The following OR3A2 variants were observed in gnomAD, a reference collection of about 807,000 sequenced individuals.
OR3A2 encodes the protein olfactory receptor 3A2.
For synonymous variants in OR3A2, 126 were observed against 159.3 expected (o/e 0.79, Z 1.57); for missense variants, 318 against 392.8 (o/e 0.81, Z 1.61).
chr17:3,367,206 G>A (rs1040680255), intron 2 of OR3A2, among the ~76,000 whole-genome samples: 31 of 152,288 alleles, frequency 2.0e-4, no homozygotes, highest in Middle Eastern at 6.8e-3. Flanking sequence ...TTACAGCTCA[G>A]ACTCAGTTGT....
At position 3,372,912 on chromosome 17, in the gene OR3A2, C is replaced by G. The variant is rs146659776; in HGVS notation, c.-179+10892G>C. On this transcript the variant is annotated intron_variant, in intron 2 of 4. Transcript: ENST00000573491. ...GAGGGAGAGGGAGAGGGAGAGGGCT[C>G]TTTAGGATTTTTTGATGTAGGCATA... is the stretch of plus-strand genomic sequence containing the variant. Among the ~76,000 whole-genome samples, 491 of 121,862 alleles carry G rather than the reference C, an allele frequency of 4.0e-3. 6 individuals carry two copies. Among genetic ancestry groups the G allele is most frequent in the Middle Eastern group, 0.019 (3 of 162 alleles). 79.9% of individuals were successfully genotyped at this position (121,862 alleles called of 152,430 possible). A position where few individuals can be genotyped will look rare whatever the true frequency, so the allele number is the denominator to read the frequency against.
At chr17:3,380,946 C>G (rs1286209733) in intron 2 of OR3A2, among the ~76,000 whole-genome samples, 1 of 152,154 alleles carries the variant, frequency 6.6e-6, no homozygotes, top group Non-Finnish European at 1.5e-5. Flanking sequence ...CTCAGTGTGT[C>G]TGGGAGCATC....
chr17:3,377,045 C>G (rs2049691110), intron 2 of OR3A2, among the ~76,000 whole-genome samples: 1 of 152,206 alleles, frequency 6.6e-6, no homozygotes, highest in Non-Finnish European at 1.5e-5. Flanking sequence ...GACTTTTCTC[C>G]CTCTCACACA....
chr17:3,360,043 T>C (rs1403429672), intron 2 of OR3A2, among the ~76,000 whole-genome samples: 1 of 151,810 alleles, frequency 6.6e-6, no homozygotes, highest in African/African-American at 2.4e-5. Flanking sequence ...ACCAACAGTG[T>C]AAAAGTGTTC....
chr17:3,377,062 A>G (rs1292942374), intron 2 of OR3A2, among the ~76,000 whole-genome samples: 2 of 151,588 alleles, frequency 1.3e-5, no homozygotes, highest in Non-Finnish European at 2.9e-5. Flanking sequence ...CACATTGAAA[A>G]CTCAGTTTTT....
At chr17:3,334,640 T>C (rs1372874689) in intron 3 of OR3A2, among the ~76,000 whole-genome samples, 1 of 152,230 alleles carries the variant, frequency 6.6e-6, no homozygotes, top group East Asian at 1.9e-4. Context: ...TTTTTGCTGA[T>C]TGAGTTTTTC....
intron 2 of OR3A2, among the ~76,000 whole-genome samples, chr17:3,354,900 T>C (rs1053938058): frequency 6.6e-6 from 1 of 151,370 alleles, no homozygotes; most frequent in Non-Finnish European, 1.5e-5. Context: ...TTTATACCTA[T>C]AAATTTCCCT....
At chr17:3,367,663 A>G (rs1194344375) in intron 2 of OR3A2, among the ~76,000 whole-genome samples, 2 of 149,004 alleles carry the variant, frequency 1.3e-5, no homozygotes, top group Non-Finnish European at 3.0e-5. Context: ...GGGCACTTAG[A>G]TTGGTTCCAT....
At chr17:3,358,977 A>G (rs1389664703) in intron 2 of OR3A2, among the ~76,000 whole-genome samples, 1 of 151,776 alleles carries the variant, frequency 6.6e-6, no homozygotes, top group Non-Finnish European at 1.5e-5. Context: ...TTGTGTGCAT[A>G]TATATTTAGG....
intron 2 of OR3A2, among the ~76,000 whole-genome samples, chr17:3,343,966 G>A (rs1014458580): frequency 1.3e-5 from 2 of 152,150 alleles, no homozygotes; most frequent in African/African-American, 2.4e-5. Flanking sequence ...GCAGAAGGAG[G>A]GGTCTGTGAT....
intron 2 of OR3A2, among the ~76,000 whole-genome samples, chr17:3,350,384 A>G (rs1183676695): frequency 1.1e-3 from 161 of 149,692 alleles, no homozygotes; most frequent in Non-Finnish European, 1.6e-3. Context: ...ACAAACTACC[A>G]TCAGAGAATA....
chr17:3,324,741 G>A (rs993402019), intron 3 of OR3A2, among the ~76,000 whole-genome samples: 3 of 152,040 alleles, frequency 2.0e-5, no homozygotes, highest in South Asian at 2.1e-4. Context: ...AGGAGTACCC[G>A]GCCGTGTGAG....
chr17:3,306,699 T>G (rs2049003336), intron 3 of OR3A2, among the ~76,000 whole-genome samples: 1 of 114,946 alleles, frequency 8.7e-6, no homozygotes, highest in Non-Finnish European at 1.7e-5. Flanking sequence ...AAAAAAACCG[T>G]AACCCCTTTT....
At chr17:3,281,800 A>T (rs1416279862) in intron 1 of OR3A2, among the ~76,000 whole-genome samples, 3 of 152,206 alleles carry the variant, frequency 2.0e-5, no homozygotes, top group Non-Finnish European at 4.4e-5. Context: ...AACTCTGTTA[A>T]ATTAGATTCT....
rs1349410369 is a variant in OR3A2, at chr17:3,278,252, G to C, written c.666C>G (p.Ser222Arg). Reference sequence around the variant, plus strand: ...TTCGTAGAACTGCAGCTGCCACGTGGCTGTAGGCAGTGATGATGAGAACCA... The same window carrying C: ...TTCGTAGAACTGCAGCTGCCACGTGCCTGTAGGCAGTGATGATGAGAACCA... Residue 222 changes from serine to arginine, a missense_variant, in exon 2 of 2, where the codon AGC becomes AGG. Coordinates refer to ENST00000642052, the Ensembl canonical transcript of OR3A2. The C allele has an allele frequency of 1.9e-6, 3 of 1,614,090 alleles. No homozygotes were observed. In the East Asian group the frequency reaches 6.7e-5, roughly 36 times the overall value.
chr17:3,278,292 A>G (rs1253361186), exon 2 of OR3A2: 1 of 1,614,238 alleles, frequency 6.2e-7, no homozygotes, highest in Non-Finnish European at 8.5e-7. Context: ...TGTGCCTGCC[A>G]TGATGAAACC....
At position 3,338,649 on chromosome 17, in the gene OR3A2, T is replaced by C. The variant is rs572044065; in HGVS notation, c.-178-2523A>G. Among the ~76,000 whole-genome samples the C allele has an allele frequency of 2.0e-5, 3 of 152,332 alleles. No individual in the cohort carries two copies. In the South Asian group the frequency reaches 6.2e-4, roughly 32 times the overall value. On this transcript the variant is annotated intron_variant, in intron 2 of 4. Transcript: ENST00000573491. ...GTCCATATCTTTGTTTTGGTACCAG[T>C]ACCATGCTGTTTTGGTTACTGCAGC...
chr17:3,348,870 C>A (rs976490877), intron 2 of OR3A2, among the ~76,000 whole-genome samples: 4 of 152,014 alleles, frequency 2.6e-5, no homozygotes, highest in Admixed American at 1.3e-4. Flanking sequence ...GAGTGGGGGC[C>A]AATATTCAAC....
At chr17:3,326,653 C>T (rs146659213) in intron 3 of OR3A2, among the ~76,000 whole-genome samples, 6 of 149,698 alleles carry the variant, frequency 4.0e-5, no homozygotes, top group African/African-American at 1.5e-4. Context: ...GCTGCACCCA[C>T]TAACTCGTCA....
Sources: allele counts gnomAD v4.1 joint callset (sites outside exome capture counted in the v4.1 genomes callset), GRCh38; gene constraint gnomAD v4.1.1; transcripts MANE v1.5; gene names NCBI Gene and HGNC (gene_info 2026-07-23, HGNC 2026-07-21).